GABRA4: variants seen among roughly 807,000 people sequenced by gnomAD.
GABRA4 encodes gamma-aminobutyric acid receptor subunit alpha-4.
A neutral mutation model predicts 49.7 loss-of-function variants in GABRA4; 12 were observed. The ratio of observed to expected loss-of-function variants is 0.24; its 90% confidence interval spans 0.15 to 0.39. The LOEUF is 0.39. Ranked by LOEUF, GABRA4 falls within the 10% of genes least tolerant of loss-of-function variation. The pLI is 1.00. For missense variants in GABRA4, 506 were observed against 686.0 expected, an observed-to-expected ratio of 0.74 and a Z score of 2.93; for synonymous variants, 288 against 240.2, an observed-to-expected ratio of 1.20 and a Z score of -1.84.
chr4:46,993,210 G>T (rs895249964), intron 1 of GABRA4, 129 bp downstream of exon 1: 3 of 857,670 alleles, frequency 3.5e-6, no homozygotes, highest in African/African-American at 3.4e-5. Context: ...CCTGGCTTCG[G>T]CCCCTGCTCT....
At chr4:46,990,534 T>C (rs1370110512) in intron 2 of GABRA4, among the ~76,000 whole-genome samples, 1 of 152,250 alleles carries the variant, frequency 6.6e-6, no homozygotes, top group African/African-American at 2.4e-5. Context: ...GTTCTAACTT[T>C]TCACTTTGAT....
chr4:46,931,667 C>T (rs913268315), intron 8 of GABRA4, among the ~76,000 whole-genome samples: 3 of 152,064 alleles, frequency 2.0e-5, no homozygotes, highest in African/African-American at 7.2e-5. Context: ...TAGTATGTGG[C>T]GGAAATGATA....
intron 8 of GABRA4, among the ~76,000 whole-genome samples, chr4:46,955,374 ATG>A (rs1298400309): frequency 6.6e-6 from 1 of 152,062 alleles, no homozygotes; most frequent in Non-Finnish European, 1.5e-5. Flanking sequence ...TTTTATTTCC[ATG>A]TGACATTATT....
intron 8 of GABRA4, among the ~76,000 whole-genome samples, chr4:46,963,571 G>T (rs1722651965): frequency 6.6e-6 from 1 of 151,750 alleles, no homozygotes; most frequent in Non-Finnish European, 1.5e-5. Context: ...AGCCATATGA[G>T]ACTGTAAGTC....
chr4:46,992,464 C>G (rs539507679), intron 2 of GABRA4, among the ~76,000 whole-genome samples: 1 of 152,160 alleles, frequency 6.6e-6, no homozygotes, highest in Non-Finnish European at 1.5e-5. Flanking sequence ...GCCTCCAATG[C>G]AACCTGCTCT....
Position 46,946,183 on chromosome 4 carries a change from C to T in GABRA4, c.1135-17428G>A, listed in dbSNP as rs2109352902. Among the ~76,000 whole-genome samples the T allele has an allele frequency of 3.3e-5, 5 of 152,234 alleles. 1 individual carries two copies. The highest frequency in any genetic ancestry group is 3.3e-4 in the Admixed American group (5 of 15,272). ...CTCCTGCTGTGACCAGGCAGTCTCA[C>T]TGAAACCCTTTAAGCTGCATTTGTA... On this transcript the variant is annotated intron_variant, in intron 8 of 8. Coordinates refer to ENST00000264318, the MANE Select transcript of GABRA4 (RefSeq NM_000809.4).
At chr4:46,930,308 C>T (rs1478509912) in intron 8 of GABRA4, among the ~76,000 whole-genome samples, 1 of 152,036 alleles carries the variant, frequency 6.6e-6, no homozygotes, top group Non-Finnish European at 1.5e-5. Context: ...CAGTTTTCCT[C>T]TATACAGAAC....
chr4:46,922,549 A>G lies in GABRA4; in HGVS notation c.*5676T>C, dbSNP rs1721074572. The G allele has an allele frequency of 6.6e-6, 1 of 152,176 alleles. No individual in the cohort carries two copies. The allele number at this position is 152,176 out of a possible 1,614,324, so 9.4% of individuals were successfully genotyped here. A position where few individuals can be genotyped will look rare whatever the true frequency, so the allele number is the denominator to read the frequency against. On this transcript the variant is annotated 3_prime_UTR_variant, in exon 9 of 9. Transcript: ENST00000264318. ...AAATAGAGGAAGAGTTTATATAAAT[A>G]GGTCTCTGTAGTCTCAAAAAATATT... is the stretch of plus-strand genomic sequence containing the variant.
intron 3 of GABRA4, among the ~76,000 whole-genome samples, chr4:46,978,592 C>A (rs1248420201): frequency 7.5e-6 from 1 of 133,814 alleles, no homozygotes; most frequent in Non-Finnish European, 1.5e-5. Context: ...GAGGTTGAGG[C>A]AAGAGAATCA....
At chr4:46,964,936 A>C (rs1560475098) in intron 8 of GABRA4, 34 bp downstream of exon 8, 1 of 1,512,748 alleles carries the variant, frequency 6.6e-7, no homozygotes, top group Non-Finnish European at 8.9e-7. Context: ...CAAGAAGCTA[A>C]AATCTTAAAC....
At chr4:46,941,086 T>G (rs1258931900) in intron 8 of GABRA4, among the ~76,000 whole-genome samples, 1 of 151,970 alleles carries the variant, frequency 6.6e-6, no homozygotes, top group Non-Finnish European at 1.5e-5. Context: ...TTATGGCAAA[T>G]GGCTCATCAG....
chr4:46,944,353 G>T (rs1721913058), intron 8 of GABRA4, among the ~76,000 whole-genome samples: 1 of 152,054 alleles, frequency 6.6e-6, no homozygotes, highest in African/African-American at 2.4e-5. Context: ...CAGTTCTAAG[G>T]CTTGTCCCCC....
intron 8 of GABRA4, among the ~76,000 whole-genome samples, chr4:46,951,271 TTAA>T (rs1237795732): frequency 2.0e-5 from 3 of 149,804 alleles, no homozygotes; most frequent in Admixed American, 1.3e-4. Context: ...CCAGTTAATA[TTAA>T]TAATATTTTA....
At chr4:46,945,222 T>A (rs182506432) in intron 8 of GABRA4, among the ~76,000 whole-genome samples, 2 of 152,156 alleles carry the variant, frequency 1.3e-5, no homozygotes, top group Non-Finnish European at 2.9e-5. Context: ...TATTAACTGA[T>A]AACCAGAATG....
In GABRA4 at chr4:46,925,760, C is replaced by CATT. The variant is rs1721205528; in HGVS notation, c.*2464_*2465insAAT. On this transcript the variant is annotated 3_prime_UTR_variant, in exon 9 of 9. Coordinates refer to ENST00000264318, the MANE Select transcript of GABRA4 (RefSeq NM_000809.4). ...TTATTATTATTATTATTATTATTATCATCATTATTATCATTGTGTGCAAAT... is the reference window on the plus strand; with the variant it reads ...TTATTATTATTATTATTATTATTATCATTATCATTATTATCATTGTGTGCAAAT... The CATT allele has an allele frequency of 1.9e-5, 1 of 53,158 alleles. No individual in the cohort carries two copies. Among genetic ancestry groups the CATT allele is most frequent in the African/African-American group, 5.6e-5 (1 of 17,916 alleles). 3.3% of individuals were successfully genotyped at this position (53,158 alleles called of 1,614,324 possible).
chr4:46,978,202 T>C (rs1723211797), intron 3 of GABRA4, among the ~76,000 whole-genome samples: 1 of 152,066 alleles, frequency 6.6e-6, no homozygotes, highest in Non-Finnish European at 1.5e-5. Context: ...ATGGATGAAT[T>C]CTTCCTGACC....
intron 6 of GABRA4, among the ~76,000 whole-genome samples, chr4:46,973,743 C>A (rs1043003448): frequency 6.6e-6 from 1 of 151,656 alleles, no homozygotes; most frequent in South Asian, 2.1e-4. Flanking sequence ...AAACATCCCC[C>A]CTACTCATGT....
chr4:46,937,049 G>C (rs1721624382), intron 8 of GABRA4, among the ~76,000 whole-genome samples: 1 of 152,166 alleles, frequency 6.6e-6, no homozygotes. Flanking sequence ...GACTATATTG[G>C]AGACAAGACC....
In GABRA4 at chr4:46,919,036, A is replaced by G. The variant is rs529339928; in HGVS notation, c.*9189T>C. 1 of 151,756 alleles carries G rather than the reference A, an allele frequency of 6.6e-6. No individual in the cohort carries two copies. The highest frequency in any genetic ancestry group is 2.4e-5 in the African/African-American group (1 of 41,550). 9.4% of individuals were successfully genotyped at this position (151,756 alleles called of 1,614,324 possible). On this transcript the variant is annotated 3_prime_UTR_variant, in exon 9 of 9. Transcript: ENST00000264318. The stretch of plus-strand genomic sequence containing the variant: ...TTAAAATATAAGTATCTGTGATTAA[A>G]TTTTATAGAAATTTAAATCCTTACT...
Sources: gnomAD v4.1 joint callset for allele counts (sites outside exome capture counted in the v4.1 genomes callset) on GRCh38, gnomAD v4.1.1 for gene constraint, MANE v1.5 for transcripts, NCBI Gene and HGNC (gene_info 2026-07-23, HGNC 2026-07-21) for gene names.